The following PRR14 variants were observed in gnomAD, a reference collection of about 807,000 sequenced individuals.
PRR14 encodes proline-rich protein 14.
Under a neutral mutation model 57.2 loss-of-function variants are expected in PRR14, and 33 were observed. That is an observed-to-expected ratio of 0.58 (90% CI 0.44 to 0.77). PRR14 has a LOEUF of 0.77. Ranked by LOEUF, PRR14 falls within the 30% of genes least tolerant of loss-of-function variation. PRR14 has a pLI of 0.00. For missense variants in PRR14, 716 were observed against 788.1 expected (o/e 0.91, Z 1.10); for synonymous variants, 303 against 314.7 (o/e 0.96, Z 0.39).
chr16:30,651,614 C>T lies in PRR14; in HGVS notation c.-32C>T, dbSNP rs770146691. The T allele has an allele frequency of 5.0e-5, 78 of 1,573,298 alleles. No homozygotes were observed. In the East Asian group the frequency reaches 1.5e-3, roughly 30 times the overall value. ...ACCCCAGGCCGCAGCCTGGGATTCC[C>T]CAGGGACCCCCCCGGAGCCGCCGCG... On this transcript the variant is annotated 5_prime_UTR_variant, in exon 2 of 12. Transcript: ENST00000300835. The surrounding 1 kb of genome is among the most constrained non-coding windows in gnomAD (Gnocchi z 5.0).
At position 30,655,461 on chromosome 16, in the gene PRR14, G is replaced by A; in HGVS notation, c.1314+41G>A. On this transcript the variant is annotated intron_variant, in intron 9 of 11. Transcript: ENST00000300835. This position sits in a 1 kb window ranked among gnomAD's most constrained non-coding sequence, Gnocchi z 4.6. ...GGGTAGAAGAGACTAGTGGGGGCCT[G>A]AGCCCATGTCACTCTTTCACCCTCT... The A allele has an allele frequency of 6.2e-7, 1 of 1,613,688 alleles. No homozygotes were observed. The highest frequency in any genetic ancestry group is 8.5e-7 in the Non-Finnish European group (1 of 1,179,586).
In PRR14 at chr16:30,653,468, C is replaced by T. The variant is rs367545058; in HGVS notation, c.548+60C>T. The T allele has an allele frequency of 2.1e-5, 32 of 1,536,628 alleles. No homozygotes were observed. The African/African-American group carries it at 2.2e-4, about 10-fold the overall frequency. On this transcript the variant is annotated intron_variant, in intron 6 of 11. Coordinates refer to ENST00000300835, the MANE Select transcript of PRR14 (RefSeq NM_024031.5). ...CAGGCAACAGCCATCATCCAGGTAG[C>T]CAGAGCTAGGGGCATCGGGACTGAC...
Position 30,654,149 on chromosome 16 carries a change from A to C in PRR14, c.549-81A>C, listed in dbSNP as rs541935048. 3.8e-5 allele frequency: 35 copies of C among 914,418 alleles called. No homozygotes were observed. The East Asian group carries it at 8.2e-4, about 21-fold the overall frequency. The allele number at this position is 914,418 out of a possible 1,614,324, so 56.6% of individuals were successfully genotyped here. On this transcript the variant is annotated intron_variant, in intron 6 of 11. Transcript: ENST00000300835. Reference sequence around the variant, plus strand: ...GTCTCAAAAAAAAAAAAAAAGAAGAAGCCTTAAGGGATAGGGGAGTTGCTG... The same window carrying C: ...GTCTCAAAAAAAAAAAAAAAGAAGACGCCTTAAGGGATAGGGGAGTTGCTG...
Position 30,655,694 on chromosome 16 carries a change from C to A in PRR14, c.1406+101C>A. On this transcript the variant is annotated intron_variant, in intron 10 of 11. Coordinates refer to ENST00000300835, the MANE Select transcript of PRR14 (RefSeq NM_024031.5). This position sits in a 1 kb window ranked among gnomAD's most constrained non-coding sequence, Gnocchi z 4.6. ...CTCCCCTCAGGGAGCACAGTCCAGC[C>A]TGAAAGATTCAATTCGGTGTGGGGA... The A allele has an allele frequency of 1.5e-6, 2 of 1,328,858 alleles. No homozygotes were observed. The highest frequency in any genetic ancestry group is 1.4e-5 in the African/African-American group (1 of 69,200). 82.3% of individuals were successfully genotyped at this position (1,328,858 alleles called of 1,614,324 possible). A position where few individuals can be genotyped will look rare whatever the true frequency, so the allele number is the denominator to read the frequency against.
intron 3 of PRR14, 146 bp downstream of exon 3, chr16:30,652,110 C>T: frequency 1.1e-6 from 1 of 908,794 alleles, no homozygotes; most frequent in South Asian, 1.8e-5. Flanking sequence ...ATGGTAGAGT[C>T]CTGCTTGGCT....
At position 30,655,660 on chromosome 16, in the gene PRR14, T is replaced by C; in HGVS notation, c.1406+67T>C. ...ATGCAGGCTTATGTCCCCTGAAGTATAGCTTTGTCTCCCCTCAGGGAGCAC... is the reference window on the plus strand; with the variant it reads ...ATGCAGGCTTATGTCCCCTGAAGTACAGCTTTGTCTCCCCTCAGGGAGCAC... On this transcript the variant is annotated intron_variant, in intron 10 of 11. Coordinates refer to ENST00000300835, the MANE Select transcript of PRR14 (RefSeq NM_024031.5). This position sits in a 1 kb window ranked among gnomAD's most constrained non-coding sequence, Gnocchi z 4.6. 6 of 1,455,970 alleles carry C rather than the reference T, an allele frequency of 4.1e-6. No individual in the cohort carries two copies. The highest frequency in any genetic ancestry group is 3.5e-5 in the South Asian group (3 of 86,858). 90.2% of individuals were successfully genotyped at this position (1,455,970 alleles called of 1,614,324 possible).
intron 3 of PRR14, chr16:30,652,510 A>G: frequency 1.6e-6 from 1 of 635,626 alleles, no homozygotes; most frequent in Non-Finnish European, 2.8e-6. Flanking sequence ...AACAGCGTGG[A>G]TGAGATTACC....
chr16:30,654,788 C>T lies in PRR14; in HGVS notation c.818C>T (p.Pro273Leu). ...IFLTPNKTPQ[P>L]PPPSPPMKLE... ...CTCACGCCCAACAAAACCCCACAGCCCCCACCCCCGTCCCCCCCAATGAAG... is the reference window on the plus strand; with the variant it reads ...CTCACGCCCAACAAAACCCCACAGCTCCCACCCCCGTCCCCCCCAATGAAG... The change falls in exon 8 of 12, where the codon CCC becomes CTC. Residue 273 changes from proline to leucine, a missense_variant. Pro to Leu is a moderately conservative substitution (Grantham distance 98). Transcript: ENST00000300835. 1 of 1,588,810 alleles carries T rather than the reference C, an allele frequency of 6.3e-7. No individual in the cohort carries two copies. Among genetic ancestry groups the T allele is most frequent in the Admixed American group, 1.7e-5 (1 of 59,824 alleles).
rs2052364647 is a variant in PRR14, at chr16:30,655,727, T to C, written c.1406+134T>C. 7.8e-7 allele frequency: 1 copy of C among 1,276,886 alleles called. No individual in the cohort carries two copies. The highest frequency in any genetic ancestry group is 1.2e-5 in the South Asian group (1 of 82,680). 79.1% of individuals were successfully genotyped at this position (1,276,886 alleles called of 1,614,324 possible). A position where few individuals can be genotyped will look rare whatever the true frequency, so the allele number is the denominator to read the frequency against. ...TTCAATTCGGTGTGGGGATGGTTTGTGCTCAAAATTGCCTGTCTGCCTTAT... is the reference window on the plus strand; with the variant it reads ...TTCAATTCGGTGTGGGGATGGTTTGCGCTCAAAATTGCCTGTCTGCCTTAT... On this transcript the variant is annotated intron_variant, in intron 10 of 11. Transcript: ENST00000300835. This position sits in a 1 kb window ranked among gnomAD's most constrained non-coding sequence, Gnocchi z 4.6.
At chr16:30,652,263 T>C in intron 3 of PRR14, 1 of 596,156 alleles carries the variant, frequency 1.7e-6, no homozygotes, top group Non-Finnish European at 3.1e-6. Flanking sequence ...AGGGTCTTGC[T>C]ATGTTGCACA....
In PRR14 at chr16:30,655,721, G is replaced by A. The variant is rs946968647; in HGVS notation, c.1406+128G>A. On this transcript the variant is annotated intron_variant, in intron 10 of 11. Coordinates refer to ENST00000300835, the MANE Select transcript of PRR14 (RefSeq NM_024031.5). This position sits in a 1 kb window ranked among gnomAD's most constrained non-coding sequence, Gnocchi z 4.6. ...GAAAGATTCAATTCGGTGTGGGGAT[G>A]GTTTGTGCTCAAAATTGCCTGTCTG... 2 of 1,288,616 alleles carry A rather than the reference G, an allele frequency of 1.6e-6. No homozygotes were observed. Among genetic ancestry groups the A allele is most frequent in the Non-Finnish European group, 2.2e-6 (2 of 891,700 alleles). 79.8% of individuals were successfully genotyped at this position (1,288,616 alleles called of 1,614,324 possible). A position where few individuals can be genotyped will look rare whatever the true frequency, so the allele number is the denominator to read the frequency against.
chr16:30,650,817 C>T (rs570133105), upstream of PRR14: 1 of 312,276 alleles, frequency 3.2e-6, no homozygotes, highest in Non-Finnish European at 6.8e-6. Flanking sequence ...GTGAGCAGCC[C>T]TTGGGGGAGG....
Position 30,654,969 on chromosome 16 carries a change from C to G in PRR14, c.999C>G (p.Ser333=). 6.2e-7 allele frequency: 1 copy of G among 1,611,358 alleles called. No individual in the cohort carries two copies. The highest frequency in any genetic ancestry group is 8.5e-7 in the Non-Finnish European group (1 of 1,180,014). Residue 333 remains serine, a synonymous_variant, in exon 8 of 12, where the codon TCC becomes TCG. Coordinates refer to ENST00000300835, the MANE Select transcript of PRR14 (RefSeq NM_024031.5). ...LPKPSLGRSY[S]CPDLGPPGPG... ...AGCCCTCTCTGGGCCGAAGCTACTC[C>G]TGCCCTGATCTGGGGCCCCCTGGCC...
In PRR14 at chr16:30,655,773, A is replaced by AT; in HGVS notation, c.1407-94dup. On this transcript the variant is annotated intron_variant, in intron 10 of 11. Transcript: ENST00000300835. The surrounding 1 kb of genome is among the most constrained non-coding windows in gnomAD (Gnocchi z 4.6). ...CTTATGTAGCACTCCTGGCCCTGACATGTCCCAGAAACTGAAATACAGACC... is the reference window on the plus strand; with the variant it reads ...CTTATGTAGCACTCCTGGCCCTGACATTGTCCCAGAAACTGAAATACAGACC... 1.4e-6 allele frequency: 2 copies of AT among 1,429,914 alleles called. No individual in the cohort carries two copies. Among genetic ancestry groups the AT allele is most frequent in the Non-Finnish European group, 2.0e-6 (2 of 1,012,594 alleles). The allele number at this position is 1,429,914 out of a possible 1,614,324, so 88.6% of individuals were successfully genotyped here. A position where few individuals can be genotyped will look rare whatever the true frequency, so the allele number is the denominator to read the frequency against.
chr16:30,651,923 G>T lies in PRR14; in HGVS notation c.151G>T (p.Val51Phe). Reference protein sequence around the residue: ...PSPLEKASRRVLAVVLEDVMA... With the variant: ...PSPLEKASRRFLAVVLEDVMA... ...TCCCCTGGAAAAGGCCTCTCGGCGGGTCCTGGCCGTGGTGCTAGAAGATGT... is the reference window on the plus strand; with the variant it reads ...TCCCCTGGAAAAGGCCTCTCGGCGGTTCCTGGCCGTGGTGCTAGAAGATGT... The change falls in exon 3 of 12, where the codon GTC becomes TTC. Residue 51 changes from valine to phenylalanine, a missense_variant. Val to Phe is a conservative substitution (Grantham distance 50). Coordinates refer to ENST00000300835, the MANE Select transcript of PRR14 (RefSeq NM_024031.5). The surrounding 1 kb of genome is among the most constrained non-coding windows in gnomAD (Gnocchi z 5.0). 1 of 1,575,440 alleles carries T rather than the reference G, an allele frequency of 6.3e-7. No individual in the cohort carries two copies. Among genetic ancestry groups the T allele is most frequent in the Non-Finnish European group, 8.6e-7 (1 of 1,162,288 alleles).
Position 30,656,299 on chromosome 16 carries a change from C to T in PRR14, c.1746C>T (p.Pro582=). ...AAGAAACAGTAGATCGGGAGCAGCC[C>T]CACTGGACCTAGGTGCCCCATCTGT... is the stretch of plus-strand genomic sequence containing the variant. The part of the protein sequence containing the change: ...LEEETVDREQ[P]HWT Residue 582 remains proline, a synonymous_variant, in exon 12 of 12, where the codon CCC becomes CCT. Coordinates refer to ENST00000300835, the MANE Select transcript of PRR14 (RefSeq NM_024031.5). 2 of 1,611,894 alleles carry T rather than the reference C, an allele frequency of 1.2e-6. No individual in the cohort carries two copies. Among genetic ancestry groups the T allele is most frequent in the African/African-American group, 1.3e-5 (1 of 75,002 alleles).
rs748863359 is a variant in PRR14 at position 30,656,148 on chromosome 16, G to A, written c.1595G>A (p.Arg532Gln). The A allele has an allele frequency of 1.0e-5, 16 of 1,584,080 alleles. No homozygotes were observed. The highest frequency in any genetic ancestry group is 2.3e-5 in the South Asian group (2 of 87,534). ...EFRDSSLPRS[R>Q]RPSRGVRAAG... Reference sequence around the variant, plus strand: ...CGGGACAGCAGCCTTCCTCGATCACGAAGACCGTCCCGTGGGGTCCGGGCT... The same window carrying A: ...CGGGACAGCAGCCTTCCTCGATCACAAAGACCGTCCCGTGGGGTCCGGGCT... The change falls in exon 12 of 12, where the codon CGA (arginine) becomes CAA (glutamine). Residue 532 changes from arginine (R) to glutamine (Q), a missense_variant. By Grantham distance (43) the Arg-to-Gln change is conservative (BLOSUM62 1). Transcript: ENST00000300835.
rs1387282740 is a variant in PRR14, at chr16:30,656,098, G to A, written c.1545G>A (p.Arg515=). The change falls in exon 12 of 12, where the codon AGG becomes AGA. Residue 515 remains arginine (R), a synonymous_variant. Transcript: ENST00000300835. ...RNGTLIFTSS[R]KLRRAVEFRD... ...GGACTCTGATTTTCACCAGCTCAAG[G>A]AAGCTCCGGCGGGCTGTGGAATTTC... 6.4e-6 allele frequency: 10 copies of A among 1,562,414 alleles called. No homozygotes were observed. Among genetic ancestry groups the A allele is most frequent in the Non-Finnish European group, 7.8e-6 (9 of 1,156,790 alleles).
chr16:30,655,536 G>A lies in PRR14; in HGVS notation c.1349G>A (p.Arg450Lys). 1 of 1,614,230 alleles carries A rather than the reference G, an allele frequency of 6.2e-7. No individual in the cohort carries two copies. Among genetic ancestry groups the A allele is most frequent in the Non-Finnish European group, 8.5e-7 (1 of 1,180,044 alleles). The change falls in exon 10 of 12, where the codon AGA becomes AAA. Residue 450 changes from arginine to lysine, a missense_variant. Physicochemically the swap from Arg to Lys is conservative, Grantham distance 26. Transcript: ENST00000300835. The surrounding 1 kb of genome is among the most constrained non-coding windows in gnomAD (Gnocchi z 4.6). ...AAGGTTTCTCGATTCAGAATACGCAGAACACCAGCCCGTCCTCAGCTAAAC... is the reference window on the plus strand; with the variant it reads ...AAGGTTTCTCGATTCAGAATACGCAAAACACCAGCCCGTCCTCAGCTAAAC... ...MGKVSRFRIR[R>K]TPARPQLNLT...
Sources: gnomAD v4.1 joint callset for allele counts on GRCh38, gnomAD v4.1.1 for gene constraint, Gnocchi (gnomAD v3.1) non-coding constraint, MANE v1.5 for transcripts, NCBI Gene and HGNC (gene_info 2026-07-23, HGNC 2026-07-21) for gene names.